ATXN7: variants seen among roughly 807,000 people sequenced by gnomAD.
The protein encoded by ATXN7 is ataxin 7, also known as ataxin-7.
In ATXN7, 12 loss-of-function variants were observed where a neutral mutation model predicts 70.5. That is an observed-to-expected ratio of 0.17 (90% confidence interval 0.11 to 0.28). The LOEUF is 0.28. Ranked by LOEUF, ATXN7 falls within the 10% of genes least tolerant of loss-of-function variation. The probability of loss-of-function intolerance (pLI) is 1.00; values close to 1 mark genes in which losing one functional copy is unlikely to be tolerated. For synonymous variants in ATXN7, 498 were observed against 448.7 expected (o/e 1.11, Z -1.39); for missense variants, 1,256 against 1,131.7 (o/e 1.11, Z -1.58).
chr3:63,899,129 C>T (rs531747605), intron 2 of ATXN7, among the ~76,000 whole-genome samples: 5 of 150,774 alleles, frequency 3.3e-5, no homozygotes, highest in East Asian at 3.9e-4. Context: ...GTGGCATGAT[C>T]GTGGCTCACT....
rs752810032 is a variant in ATXN7 at position 63,912,785 on chromosome 3, G to T, written c.187G>T (p.Gly63Cys). 5.9e-6 allele frequency: 9 copies of T among 1,527,142 alleles called. No homozygotes were observed. Among genetic ancestry groups the T allele is most frequent in the South Asian group, 3.7e-5 (3 of 82,144 alleles). 94.6% of individuals were successfully genotyped at this position (1,527,142 alleles called of 1,614,324 possible). ...PPPRRTRPED[G>C]GPGAASTSAA... ...GCCACGGCGCACACGGCCGGAGGACGGCGGGCCCGGCGCCGCCTCCACCTC... is the reference window on the plus strand; with the variant it reads ...GCCACGGCGCACACGGCCGGAGGACTGCGGGCCCGGCGCCGCCTCCACCTC... The change falls in exon 3 of 13, where the codon GGC becomes TGC. Residue 63 changes from glycine (G) to cysteine (C), a missense_variant. Transcript: ENST00000674280.
intron 1 of ATXN7, among the ~76,000 whole-genome samples, chr3:63,875,455 G>A (rs1279453305): frequency 6.6e-6 from 1 of 152,026 alleles, no homozygotes; most frequent in East Asian, 1.9e-4. Flanking sequence ...GTGTAATGGT[G>A]GTGTCTAGTA....
rs945388060 is a variant in ATXN7, at chr3:64,002,287, A to G, written c.*2820A>G. The G allele has an allele frequency of 5.9e-5, 9 of 152,528 alleles. No individual in the cohort carries two copies. The highest frequency in any genetic ancestry group is 1.7e-4 in the African/African-American group (7 of 41,384). The allele number at this position is 152,528 out of a possible 1,614,324, so 9.4% of individuals were successfully genotyped here. Reference sequence around the variant, plus strand: ...TTTGAAGTGGTTCACTGCCAAGCCAATAGTTCTAGAACCTGCCTCCTTTAC... The same window carrying G: ...TTTGAAGTGGTTCACTGCCAAGCCAGTAGTTCTAGAACCTGCCTCCTTTAC... On this transcript the variant is annotated 3_prime_UTR_variant, in exon 13 of 13. Coordinates refer to ENST00000674280, the MANE Select transcript of ATXN7 (RefSeq NM_001377405.1).
chr3:63,974,189 C>G (rs1310559045), intron 5 of ATXN7, among the ~76,000 whole-genome samples: 1 of 152,168 alleles, frequency 6.6e-6, no homozygotes, highest in Admixed American at 6.5e-5. Context: ...CTGACACACC[C>G]ATAGCTGATT....
In ATXN7 at chr3:63,955,695, T is replaced by A. The variant is rs2075028198; in HGVS notation, c.499+3212T>A. 2.0e-5 allele frequency among the ~76,000 whole-genome samples: 3 copies of A among 152,380 alleles called. No individual in the cohort carries two copies. The South Asian group carries it at 6.2e-4, about 32-fold the overall frequency. On this transcript the variant is annotated intron_variant, in intron 5 of 12. Transcript: ENST00000674280. ...TTTTCAAATTCAGAATCTTTCACAG[T>A]GACTGTTGTAGTCTATTTACGTGCC...
intron 2 of ATXN7, among the ~76,000 whole-genome samples, chr3:63,909,947 T>A (rs1703955219): frequency 6.6e-6 from 1 of 152,226 alleles, no homozygotes; most frequent in South Asian, 2.1e-4. Flanking sequence ...TAGCTTGCTA[T>A]TAGTTTTGAG....
chr3:63,873,537 C>G (rs984487307), intron 1 of ATXN7, among the ~76,000 whole-genome samples: 2 of 152,158 alleles, frequency 1.3e-5, no homozygotes, highest in African/African-American at 2.4e-5. Flanking sequence ...TTGTCATTCC[C>G]CAGAAGTGGG....
rs750860702 is a variant in ATXN7 at position 63,980,127 on chromosome 3, A to G, written c.712A>G (p.Met238Val). ...GCAGCTCAGGGGGAACACCAGGCCA[A>G]TGCATCCCATTCAGCAAAGTAGAGT... The part of the protein sequence containing the change: ...KLQLRGNTRP[M>V]HPIQQSRVPH... The change falls in exon 6 of 13, where the codon ATG becomes GTG. Residue 238 changes from methionine to valine, a missense_variant. Met to Val is a conservative substitution (Grantham distance 21). Coordinates refer to ENST00000674280, the MANE Select transcript of ATXN7 (RefSeq NM_001377405.1). 8 of 1,614,230 alleles carry G rather than the reference A, an allele frequency of 5.0e-6. No individual in the cohort carries two copies. The highest frequency in any genetic ancestry group is 3.3e-4 in the Middle Eastern group (2 of 6,062).
chr3:63,938,153 C>T (rs1479953960), intron 4 of ATXN7, among the ~76,000 whole-genome samples: 4 of 152,174 alleles, frequency 2.6e-5, no homozygotes, highest in Admixed American at 1.3e-4. Flanking sequence ...GTAAAGTGAG[C>T]TTTGAGTACC....
chr3:63,954,283 G>T (rs1353424401), intron 5 of ATXN7, among the ~76,000 whole-genome samples: 3 of 152,218 alleles, frequency 2.0e-5, no homozygotes, highest in African/African-American at 7.2e-5. Context: ...CACAGTTTGT[G>T]CACTGAACAA....
intron 2 of ATXN7, among the ~76,000 whole-genome samples, chr3:63,899,926 T>A (rs184978335): frequency 6.6e-6 from 1 of 152,146 alleles, no homozygotes; most frequent in Admixed American, 6.5e-5. Context: ...CTAAAAAAAA[T>A]TTAAAAAATT....
intron 2 of ATXN7, among the ~76,000 whole-genome samples, chr3:63,899,951 G>A (rs1248834923): frequency 6.6e-6 from 1 of 152,118 alleles, no homozygotes; most frequent in Non-Finnish European, 1.5e-5. Flanking sequence ...AAGCACAGTG[G>A]TGCATGTGTA....
chr3:63,996,347 G>C lies in ATXN7; in HGVS notation c.2525G>C (p.Ser842Thr), dbSNP rs1232803865. The change falls in exon 12 of 13, where the codon AGC becomes ACC. Residue 842 changes from serine to threonine, a missense_variant. Ser to Thr is a moderately conservative substitution (Grantham distance 58). Coordinates refer to ENST00000674280, the MANE Select transcript of ATXN7 (RefSeq NM_001377405.1). ...GGAAAGAAAAGAAAGTGCTCACCCAGCTCGAGCAGCATCAACAACAGCAGC... is the reference window on the plus strand; with the variant it reads ...GGAAAGAAAAGAAAGTGCTCACCCACCTCGAGCAGCATCAACAACAGCAGC... ...LIGKKRKCSP[S>T]SSSINNSSSK... The C allele has an allele frequency of 6.2e-7, 1 of 1,614,020 alleles. No homozygotes were observed. The highest frequency in any genetic ancestry group is 1.3e-5 in the African/African-American group (1 of 74,900).
chr3:63,903,519 T>C (rs1364268974), intron 2 of ATXN7, among the ~76,000 whole-genome samples: 1 of 152,094 alleles, frequency 6.6e-6, no homozygotes, highest in African/African-American at 2.4e-5. Context: ...ATTTTATTTG[T>C]AAAAACAAAC....
intron 5 of ATXN7, among the ~76,000 whole-genome samples, chr3:63,969,147 A>G (rs1405640099): frequency 6.6e-6 from 1 of 152,208 alleles, no homozygotes; most frequent in African/African-American, 2.4e-5. Flanking sequence ...CATTGAAAAC[A>G]TTGGCATTCC....
chr3:63,933,720 T>TC (rs2074601571), intron 4 of ATXN7, among the ~76,000 whole-genome samples: 1 of 152,212 alleles, frequency 6.6e-6, no homozygotes, highest in South Asian at 2.1e-4. Flanking sequence ...TGTGGTAATG[T>TC]CCCTTGTATC....
chr3:63,896,862 C>G (rs926227060), intron 1 of ATXN7, among the ~76,000 whole-genome samples: 4 of 152,278 alleles, frequency 2.6e-5, no homozygotes, highest in Non-Finnish European at 5.9e-5. Context: ...TCATAGTATT[C>G]TGAATCTGAT....
chr3:63,920,389 G>A (rs72880327), intron 4 of ATXN7, among the ~76,000 whole-genome samples: 3,644 of 152,262 alleles, frequency 0.024, 148 homozygotes, highest in African/African-American at 0.08. Context: ...GAAAAGTGAG[G>A]TAGCCCGCTA....
At chr3:63,947,468 A>G (rs111227856) in intron 4 of ATXN7, among the ~76,000 whole-genome samples, 84 of 152,166 alleles carry the variant, frequency 5.5e-4, no homozygotes, top group African/African-American at 2.0e-3. Context: ...CACACCTGTG[A>G]TTACTCCTAG....
Sources: allele counts gnomAD v4.1 joint callset (sites outside exome capture counted in the v4.1 genomes callset), GRCh38; gene constraint gnomAD v4.1.1; transcripts MANE v1.5; gene names NCBI Gene and HGNC (gene_info 2026-07-23, HGNC 2026-07-21).